The following AP3B1 variants were observed in gnomAD, a reference collection of about 807,000 sequenced individuals.
The protein encoded by AP3B1 is AP-3 complex subunit beta-1.
A neutral mutation model predicts 132.5 loss-of-function variants in AP3B1; 61 were observed. The observed-to-expected ratio is 0.46, with a 90% CI of 0.37 to 0.57. AP3B1 has a LOEUF of 0.57. Ranked by LOEUF, AP3B1 falls within the 20% of genes least tolerant of loss-of-function variation. The pLI is 0.00. For synonymous variants in AP3B1, 388 were observed against 438.3 expected (o/e 0.89, Z 1.43); for missense variants, 1,120 against 1,289.4 (o/e 0.87, Z 2.01).
At chr5:78,063,755 T>C (rs1749159506) in intron 22 of AP3B1, among the ~76,000 whole-genome samples, 1 of 152,212 alleles carries the variant, frequency 6.6e-6, no homozygotes, top group Non-Finnish European at 1.5e-5. Context: ...ATACGTAGTC[T>C]AGTAGTTTTC....
At chr5:78,043,453 T>G (rs1046493262) in intron 22 of AP3B1, 1 of 226,458 alleles carries the variant, frequency 4.4e-6, no homozygotes. Context: ...TTTCTCACCT[T>G]TCTCTTCCTC....
At chr5:78,101,439 T>C (rs1210115495) in intron 20 of AP3B1, 2 of 365,124 alleles carry the variant, frequency 5.5e-6, no homozygotes, top group East Asian at 8.5e-5. Context: ...TTGATGGGCT[T>C]GTGATAGGTC....
At chr5:78,180,423 A>C (rs985359281) in intron 8 of AP3B1, among the ~76,000 whole-genome samples, 1 of 152,096 alleles carries the variant, frequency 6.6e-6, no homozygotes, top group African/African-American at 2.4e-5. Flanking sequence ...GAATTAAATG[A>C]CACTATAAAA....
At position 78,278,788 on chromosome 5, in the gene AP3B1, C is replaced by T. The variant is rs138684586; in HGVS notation, c.129-11193G>A. ...ATGAGGAGTATTACTGCCTGAGCTC[C>T]GCCTCCTGTCAGATCAGTAGCGGCA... On this transcript the variant is annotated intron_variant, in intron 1 of 26. Coordinates refer to ENST00000255194, the MANE Select transcript of AP3B1 (RefSeq NM_003664.5). Among the ~76,000 whole-genome samples the T allele has an allele frequency of 2.3e-3, 344 of 152,128 alleles. 5 individuals are homozygous for T. Among genetic ancestry groups the T allele is most frequent in the Non-Finnish European group, 2.5e-3 (173 of 68,006 alleles).
chr5:78,069,854 T>G (rs950304196), intron 22 of AP3B1, among the ~76,000 whole-genome samples: 4 of 152,238 alleles, frequency 2.6e-5, no homozygotes, highest in Admixed American at 2.6e-4. Flanking sequence ...CAAACTATAC[T>G]ACAAGGCTAC....
intron 6 of AP3B1, among the ~76,000 whole-genome samples, chr5:78,216,540 C>T (rs915974259): frequency 2.6e-5 from 4 of 152,142 alleles, no homozygotes; most frequent in African/African-American, 4.8e-5. Context: ...TAATCACGCA[C>T]ATTTTTCATG....
At chr5:78,143,496 C>T (rs560426115) in intron 14 of AP3B1, among the ~76,000 whole-genome samples, 1 of 152,146 alleles carries the variant, frequency 6.6e-6, no homozygotes, top group South Asian at 2.1e-4. Context: ...ATATACCAAA[C>T]TTTTGGTGAT....
rs1432974932 is a variant in AP3B1 at position 78,116,120 on chromosome 5, A to G, written c.2077+6T>C. ...ATAATATATGCCAATAAATTATAAA[A>G]CCCACCACTGTCACTGCTACTATCA... On this transcript the variant is annotated splice_donor_region_variant and intron_variant, in intron 18 of 26. Coordinates refer to ENST00000255194, the MANE Select transcript of AP3B1 (RefSeq NM_003664.5). 1 of 1,596,406 alleles carries G rather than the reference A, an allele frequency of 6.3e-7. No individual in the cohort carries two copies.
At position 78,066,881 on chromosome 5, in the gene AP3B1, G is replaced by A. The variant is rs576473855; in HGVS notation, c.2577+22512C>T. 7.9e-5 allele frequency among the ~76,000 whole-genome samples: 12 copies of A among 152,124 alleles called. No individual in the cohort carries two copies. In the South Asian group the frequency reaches 1.9e-3, roughly 24 times the overall value. ...ACTAATCGTCAGATTTACCAATGTC[G>A]AAATGAAAGAAAAAGTGTAAGCGCA... is the stretch of plus-strand genomic sequence containing the variant. On this transcript the variant is annotated intron_variant, in intron 22 of 26. Coordinates refer to ENST00000255194, the MANE Select transcript of AP3B1 (RefSeq NM_003664.5).
At chr5:78,113,626 T>C (rs982639039) in intron 19 of AP3B1, 126 bp downstream of exon 19, 2 of 1,069,704 alleles carry the variant, frequency 1.9e-6, no homozygotes, top group East Asian at 2.5e-5. Context: ...TTTAAAAAGA[T>C]TTAATATCTG....
rs75661072 is a variant in AP3B1 at position 78,181,092 on chromosome 5, C to A, written c.942+415G>T. Reference sequence around the variant, plus strand: ...TATGGACTAATACCAGATCAAGTACCCCCAATCACAATGGAATAACTGATA... The same window carrying A: ...TATGGACTAATACCAGATCAAGTACACCCAATCACAATGGAATAACTGATA... On this transcript the variant is annotated intron_variant, in intron 8 of 26. Transcript: ENST00000255194. 6.6e-5 allele frequency among the ~76,000 whole-genome samples: 10 copies of A among 151,984 alleles called. 1 individual carries two copies. Among genetic ancestry groups the A allele is most frequent in the Admixed American group, 4.6e-4 (7 of 15,274 alleles).
chr5:78,209,438 A>G (rs974705739), intron 7 of AP3B1, among the ~76,000 whole-genome samples: 4 of 152,202 alleles, frequency 2.6e-5, no homozygotes, highest in African/African-American at 4.8e-5. Flanking sequence ...AGGTCTTCAG[A>G]TAACAACTTA....
At chr5:78,182,426 T>C (rs1201052545) in intron 7 of AP3B1, among the ~76,000 whole-genome samples, 1 of 152,094 alleles carries the variant, frequency 6.6e-6, no homozygotes, top group East Asian at 1.9e-4. Flanking sequence ...TAAGTAGAGA[T>C]CTAGAAAAGC....
At position 78,075,921 on chromosome 5, in the gene AP3B1, C is replaced by T. The variant is rs191774514; in HGVS notation, c.2577+13472G>A. On this transcript the variant is annotated intron_variant, in intron 22 of 26. Transcript: ENST00000255194. The stretch of plus-strand genomic sequence containing the variant: ...ATGGTAATTCAAGGAAAGCAAACGG[C>T]GAAGAGTACGGACTATGAAAATCAT... Among the ~76,000 whole-genome samples the T allele has an allele frequency of 2.1e-3, 327 of 152,152 alleles. 3 individuals carry two copies. Among genetic ancestry groups the T allele is most frequent in the Middle Eastern group, 6.8e-3 (2 of 294 alleles).
intron 3 of AP3B1, among the ~76,000 whole-genome samples, chr5:78,229,225 T>C (rs904090165): frequency 6.6e-6 from 1 of 152,180 alleles, no homozygotes; most frequent in African/African-American, 2.4e-5. Context: ...CATGAGCCAT[T>C]ATGCCCAGCC....
chr5:78,137,642 C>A (rs1339874782), intron 15 of AP3B1, among the ~76,000 whole-genome samples: 1 of 152,146 alleles, frequency 6.6e-6, no homozygotes, highest in African/African-American at 2.4e-5. Flanking sequence ...CTTTTCTTTA[C>A]TATTCTGTGT....
At position 78,156,461 on chromosome 5, in the gene AP3B1, T is replaced by G. The variant is rs2112357418; in HGVS notation, c.1364-94A>C. ...ATGTAAACTTAAATTAGAAAAACAT[T>G]CTATTTAATACAAGCCTTAAAAGAC... is the stretch of plus-strand genomic sequence containing the variant. On this transcript the variant is annotated intron_variant, in intron 13 of 26. Transcript: ENST00000255194. 3.2e-6 allele frequency: 3 copies of G among 944,254 alleles called. No individual in the cohort carries two copies. The South Asian group carries it at 4.2e-5, about 13-fold the overall frequency. The allele number at this position is 944,254 out of a possible 1,614,324, so 58.5% of individuals were successfully genotyped here.
chr5:78,081,051 G>A (rs1047240780), intron 22 of AP3B1, among the ~76,000 whole-genome samples: 1 of 152,172 alleles, frequency 6.6e-6, no homozygotes. Context: ...AAAAGCCATA[G>A]ATGTTGATTC....
At chr5:78,062,851 C>T (rs1749114858) in intron 22 of AP3B1, among the ~76,000 whole-genome samples, 1 of 152,122 alleles carries the variant, frequency 6.6e-6, no homozygotes, top group African/African-American at 2.4e-5. Flanking sequence ...GGAAGGTCAG[C>T]GAGGTGCCGT....
Sources: gnomAD v4.1 joint callset for allele counts (sites outside exome capture counted in the v4.1 genomes callset) on GRCh38, gnomAD v4.1.1 for gene constraint, MANE v1.5 for transcripts, NCBI Gene and HGNC (gene_info 2026-07-23, HGNC 2026-07-21) for gene names.